Variants in TLN2 observed in about 807,000 individuals in gnomAD.
TLN2 encodes talin 2.
In TLN2, 118 loss-of-function variants were observed where a neutral mutation model predicts 294.7. The ratio of observed to expected loss-of-function variants is 0.40; its 90% CI spans 0.34 to 0.47. The LOEUF (loss-of-function observed/expected upper bound fraction) is 0.47. TLN2 is among the 20% of genes least tolerant of loss of function. TLN2 has a pLI of 0.84. For synonymous variants in TLN2, 1,431 were observed against 1,304.5 expected (o/e 1.10, Z -2.09); for missense variants, 3,083 against 3,282.2 (o/e 0.94, Z 1.48).
At chr15:62,787,626 G>A (rs577011705) in intron 45 of TLN2, among the ~76,000 whole-genome samples, 2 of 151,754 alleles carry the variant, frequency 1.3e-5, no homozygotes, top group Admixed American at 6.6e-5. Flanking sequence ...ATCACCCTGT[G>A]GGCTGGTCAT....
intron 1 of TLN2, among the ~76,000 whole-genome samples, chr15:62,568,728 C>T (rs1441360397): frequency 1.3e-5 from 2 of 152,196 alleles, no homozygotes; most frequent in Non-Finnish European, 2.9e-5. Flanking sequence ...ACATCCTTGG[C>T]CTGGGCTTTT....
At chr15:62,751,652 G>T (rs1481388196) in intron 34 of TLN2, among the ~76,000 whole-genome samples, 1 of 152,146 alleles carries the variant, frequency 6.6e-6, no homozygotes, top group Non-Finnish European at 1.5e-5. Context: ...AGCCCTCCTG[G>T]GGCATAATGA....
At chr15:62,542,741 G>C (rs958455559) in intron 1 of TLN2, among the ~76,000 whole-genome samples, 3 of 152,010 alleles carry the variant, frequency 2.0e-5, no homozygotes, top group Admixed American at 2.0e-4. Flanking sequence ...GGACTGTCTT[G>C]GCTCTGCCTT....
intron 1 of TLN2, among the ~76,000 whole-genome samples, chr15:62,470,011 A>C (rs746273136): frequency 1.3e-5 from 2 of 152,176 alleles, no homozygotes; most frequent in Admixed American, 6.5e-5. Flanking sequence ...ATTCTTCGTG[A>C]TTGACTCAAA....
chr15:62,707,492 C>T (rs184219223), intron 20 of TLN2, among the ~76,000 whole-genome samples: 6 of 152,352 alleles, frequency 3.9e-5, no homozygotes, highest in Admixed American at 3.9e-4. Flanking sequence ...TTTCTATATG[C>T]AAATTGCTGT....
At chr15:62,794,803 G>A (rs975444055) in intron 46 of TLN2, among the ~76,000 whole-genome samples, 1 of 152,180 alleles carries the variant, frequency 6.6e-6, no homozygotes, top group Non-Finnish European at 1.5e-5. Context: ...CAGCACGGGG[G>A]ACAGAGTGTC....
intron 1 of TLN2, among the ~76,000 whole-genome samples, chr15:62,540,402 G>C (rs2041613735): frequency 6.9e-6 from 1 of 144,778 alleles, no homozygotes; most frequent in Non-Finnish European, 1.5e-5. Context: ...GGCCTTCAAA[G>C]AGTGCTCTGT....
intron 32 of TLN2, among the ~76,000 whole-genome samples, chr15:62,742,026 T>G (rs1419865025): frequency 4.1e-4 from 13 of 31,386 alleles, no homozygotes; most frequent in African/African-American, 1.0e-3. Context: ...TGTAGTGGGG[T>G]GTGTGTGTGT....
chr15:62,719,052 G>T (rs1175276324), intron 24 of TLN2, among the ~76,000 whole-genome samples: 2 of 152,172 alleles, frequency 1.3e-5, no homozygotes, highest in Non-Finnish European at 2.9e-5. Flanking sequence ...TATCCACAAC[G>T]ATGGCCACAG....
At chr15:62,720,180 TGA>T (rs1276872805) in intron 25 of TLN2, among the ~76,000 whole-genome samples, 1 of 152,250 alleles carries the variant, frequency 6.6e-6, no homozygotes, top group African/African-American at 2.4e-5. Flanking sequence ...CAAGTTGTGA[TGA>T]ACAGCCTAGG....
At chr15:62,707,683 G>A (rs2059153164) in intron 20 of TLN2, among the ~76,000 whole-genome samples, 1 of 152,158 alleles carries the variant, frequency 6.6e-6, no homozygotes, top group African/African-American at 2.4e-5. Flanking sequence ...CACTCAGTGT[G>A]TCATACATCA....
intron 1 of TLN2, among the ~76,000 whole-genome samples, chr15:62,477,891 G>T (rs112456246): frequency 2.0e-5 from 3 of 148,850 alleles, no homozygotes; most frequent in African/African-American, 2.5e-5. Flanking sequence ...GGCAGGTGGT[G>T]GGGGGGATGG....
intron 54 of TLN2, among the ~76,000 whole-genome samples, chr15:62,822,577 A>G (rs1009322004): frequency 9.2e-5 from 14 of 152,192 alleles, no homozygotes; most frequent in African/African-American, 3.4e-4. Context: ...AGGGCTATGT[A>G]TGGCCCTGGG....
At position 62,540,356 on chromosome 15, in the gene TLN2, CT is replaced by C. The variant is rs11071674; in HGVS notation, c.-237-49313del. 9.4e-3 allele frequency among the ~76,000 whole-genome samples: 1,298 copies of C among 138,188 alleles called. 11 individuals are homozygous for C. The highest frequency in any genetic ancestry group is 0.026 in the African/African-American group (951 of 37,144). 90.7% of individuals were successfully genotyped at this position (138,188 alleles called of 152,430 possible). On this transcript the variant is annotated intron_variant, in intron 1 of 58. Coordinates refer to ENST00000636159, the MANE Select transcript of TLN2 (RefSeq NM_015059.3). ...CGCCATCTTAAAATAAATAAATAAA[CT>C]TTTTTTTTTTTTTTTTTACATGAGT...
chr15:62,819,301 A>G (rs1048311337), intron 52 of TLN2, among the ~76,000 whole-genome samples: 4 of 152,194 alleles, frequency 2.6e-5, no homozygotes, highest in Admixed American at 6.5e-5. Context: ...GGGACCTTAG[A>G]GGCACCACTG....
intron 47 of TLN2, among the ~76,000 whole-genome samples, 181 bp from the exon 48 acceptor site, chr15:62,797,038 C>G (rs1012720931): frequency 1.3e-5 from 2 of 152,300 alleles, no homozygotes; most frequent in Middle Eastern, 3.4e-3. Context: ...TTCTTCTTCT[C>G]CCCCCAGTTT....
At position 62,750,505 on chromosome 15, in the gene TLN2, T is replaced by C. The variant is rs774246127; in HGVS notation, c.4209+14T>C. 6.2e-7 allele frequency: 1 copy of C among 1,609,090 alleles called. No homozygotes were observed. The highest frequency in any genetic ancestry group is 1.1e-5 in the South Asian group (1 of 90,962). On this transcript the variant is annotated intron_variant, in intron 34 of 58. Transcript: ENST00000636159. ...GAAAACTCCAAGGTAAGACTGCCTA[T>C]GCCGTAAGTCAGAAGTTAGCATTGC...
intron 54 of TLN2, among the ~76,000 whole-genome samples, chr15:62,826,727 G>A (rs921747740): frequency 6.7e-6 from 1 of 149,994 alleles, no homozygotes; most frequent in African/African-American, 2.5e-5. Flanking sequence ...AAAAAAAAAA[G>A]AGAAATGTGG....
At chr15:62,392,197 G>T (rs943223056) in intron 1 of TLN2, among the ~76,000 whole-genome samples, 1 of 152,226 alleles carries the variant, frequency 6.6e-6, no homozygotes, top group Non-Finnish European at 1.5e-5. Flanking sequence ...CAGGTGACGC[G>T]TGGGGAAACT....
Sources: gnomAD v4.1 joint callset for allele counts (sites outside exome capture counted in the v4.1 genomes callset) on GRCh38, gnomAD v4.1.1 for gene constraint, MANE v1.5 for transcripts, NCBI Gene and HGNC (gene_info 2026-07-23, HGNC 2026-07-21) for gene names.